MEI4: variants seen among roughly 807,000 people sequenced by gnomAD.
The protein encoded by MEI4 is meiotic double-stranded break formation protein 4.
MEI4 carries 27 observed loss-of-function variants against 31.4 expected under a neutral mutation model. That is an observed-to-expected ratio of 0.86 (90% CI 0.63 to 1.19). MEI4 has a LOEUF of 1.19. MEI4 is among the 50% of genes most tolerant of loss of function. MEI4 has a pLI of 0.00. For missense variants in MEI4, 329 were observed against 398.9 expected (o/e 0.82, Z 1.49); for synonymous variants, 122 against 145.4 (o/e 0.84, Z 1.16).
At chr6:77,886,481 A>G (rs149855590) in intron 4 of MEI4, among the ~76,000 whole-genome samples, 335 of 151,702 alleles carry the variant, frequency 2.2e-3, no homozygotes, top group African/African-American at 7.4e-3. Flanking sequence ...CCCAAGCTGG[A>G]GTGCAGTGGT....
Position 77,827,553 on chromosome 6 carries a change from T to C in MEI4, c.769-1378T>C, listed in dbSNP as rs182946984. On this transcript the variant is annotated intron_variant, in intron 3 of 4. Coordinates refer to ENST00000684080, the MANE Select transcript of MEI4 (RefSeq NM_001322247.2). ...AATGAGTACTTTTGATTGGCAGAAC[T>C]CACATCCAAAATCCTAACTGCAGAG... 1.0e-3 allele frequency among the ~76,000 whole-genome samples: 152 copies of C among 152,094 alleles called. 1 individual carries two copies. The highest frequency in any genetic ancestry group is 6.8e-3 in the Middle Eastern group (2 of 294).
chr6:77,780,320 A>ATTTT lies in MEI4; in HGVS notation c.768+18655_768+18656insTTTT. On this transcript the variant is annotated intron_variant, in intron 3 of 4. Transcript: ENST00000684080. ...ATCCTAAGACTGACCTTTTGCAGGCAGAACTGATCTCTCTGGGGGAGGGTG... is the reference window on the plus strand; with the variant it reads ...ATCCTAAGACTGACCTTTTGCAGGCATTTTGAACTGATCTCTCTGGGGGAGGGTG... 3.3e-5 allele frequency among the ~76,000 whole-genome samples: 5 copies of ATTTT among 152,320 alleles called. No individual in the cohort carries two copies. In the South Asian group the frequency reaches 1.0e-3, roughly 32 times the overall value.
chr6:77,828,782 T>C (rs1770014633), intron 3 of MEI4, 149 bp from the exon 4 acceptor site: 1 of 485,716 alleles, frequency 2.1e-6, no homozygotes. Flanking sequence ...TTATAATTTG[T>C]GTATTTTATG....
chr6:77,789,117 T>A (rs1259303840), intron 3 of MEI4, among the ~76,000 whole-genome samples: 1 of 152,220 alleles, frequency 6.6e-6, no homozygotes, highest in African/African-American at 2.4e-5. Flanking sequence ...TACAACTATC[T>A]GACCTTTGAC....
intron 2 of MEI4, among the ~76,000 whole-genome samples, chr6:77,707,317 G>T (rs942486159): frequency 3.3e-5 from 5 of 152,180 alleles, no homozygotes; most frequent in Non-Finnish European, 5.9e-5. Flanking sequence ...GTCATAATGT[G>T]CAGTATCTGG....
At chr6:77,783,211 A>C (rs1768638908) in intron 3 of MEI4, among the ~76,000 whole-genome samples, 1 of 152,208 alleles carries the variant, frequency 6.6e-6, no homozygotes, top group Admixed American at 6.5e-5. Flanking sequence ...TCTAAGAGAA[A>C]CAAGTCAATT....
intron 4 of MEI4, among the ~76,000 whole-genome samples, chr6:77,841,333 A>ATATATATATATATATATTTTTTTTTTTT: frequency 3.6e-5 from 1 of 27,736 alleles, no homozygotes; most frequent in African/African-American, 3.3e-4. Flanking sequence ...ATATATATAT[A>ATATATATATATATATATTTTTTTTTTTT]TTTTTTTTTT....
chr6:77,683,168 AATTG>A (rs1027278054), intron 1 of MEI4, among the ~76,000 whole-genome samples: 12 of 152,050 alleles, frequency 7.9e-5, no homozygotes, highest in Admixed American at 3.3e-4. Context: ...CACAATCAAA[AATTG>A]ATTGGTGCAG....
At chr6:77,852,288 A>G (rs1358856842) in intron 4 of MEI4, among the ~76,000 whole-genome samples, 1 of 152,202 alleles carries the variant, frequency 6.6e-6, no homozygotes, top group African/African-American at 2.4e-5. Context: ...AACTTTCTTC[A>G]AGTGATGCTG....
At chr6:77,697,262 T>C (rs1171448931) in intron 2 of MEI4, among the ~76,000 whole-genome samples, 1 of 152,172 alleles carries the variant, frequency 6.6e-6, no homozygotes, top group Non-Finnish European at 1.5e-5. Flanking sequence ...GTGTCTCTAT[T>C]TCCTTCAGTT....
intron 2 of MEI4, among the ~76,000 whole-genome samples, chr6:77,742,119 C>A (rs911486168): frequency 6.6e-6 from 1 of 151,970 alleles, no homozygotes; most frequent in Non-Finnish European, 1.5e-5. Flanking sequence ...ATTTATAGTC[C>A]TTTGGGGTAT....
intron 4 of MEI4, among the ~76,000 whole-genome samples, chr6:77,867,975 A>G (rs552479557): frequency 6.6e-6 from 1 of 151,922 alleles, no homozygotes; most frequent in Non-Finnish European, 1.5e-5. Flanking sequence ...GGACAAAAAA[A>G]CCAAACACCG....
intron 3 of MEI4, among the ~76,000 whole-genome samples, chr6:77,797,286 A>AT: frequency 6.6e-6 from 1 of 152,192 alleles, no homozygotes. Context: ...CTTGGCAGTG[A>AT]TTTTTTGGAT....
intron 1 of MEI4, among the ~76,000 whole-genome samples, chr6:77,683,319 A>G (rs1185974757): frequency 6.6e-6 from 1 of 152,206 alleles, no homozygotes; most frequent in Non-Finnish European, 1.5e-5. Flanking sequence ...AAAGTATACA[A>G]TATGGTATTT....
intron 4 of MEI4, among the ~76,000 whole-genome samples, chr6:77,913,404 A>T (rs1766473157): frequency 6.6e-6 from 1 of 152,192 alleles, no homozygotes; most frequent in Non-Finnish European, 1.5e-5. Flanking sequence ...CAGTGAAGCC[A>T]TCCAGTCCTG....
chr6:77,918,444 T>C, intron 4 of MEI4, among the ~76,000 whole-genome samples: 1 of 134,664 alleles, frequency 7.4e-6, no homozygotes, highest in East Asian at 2.3e-4. Context: ...TTTATTTCCT[T>C]GAGCAGTGGT....
intron 1 of MEI4, among the ~76,000 whole-genome samples, chr6:77,653,964 TG>T (rs1228272328): frequency 1.3e-5 from 2 of 152,218 alleles, no homozygotes; most frequent in South Asian, 2.1e-4. Context: ...AAACTGTTTC[TG>T]AACAGTGCCA....
chr6:77,917,413 C>T (rs1171130552), intron 4 of MEI4, among the ~76,000 whole-genome samples: 1 of 150,834 alleles, frequency 6.6e-6, no homozygotes, highest in African/African-American at 2.4e-5. Context: ...CCTATTTCTC[C>T]ACATCCTCTC....
At chr6:77,699,594 C>T (rs1377148479) in intron 2 of MEI4, among the ~76,000 whole-genome samples, 3 of 152,218 alleles carry the variant, frequency 2.0e-5, no homozygotes, top group African/African-American at 4.8e-5. Flanking sequence ...AAGTCATTCT[C>T]TGTCCAGCTT....
Sources: gnomAD v4.1 joint callset for allele counts (sites outside exome capture counted in the v4.1 genomes callset) on GRCh38, gnomAD v4.1.1 for gene constraint, MANE v1.5 for transcripts, NCBI Gene and HGNC (gene_info 2026-07-23, HGNC 2026-07-21) for gene names.